PCDHGA3: variants seen among roughly 807,000 people sequenced by gnomAD.
The protein encoded by PCDHGA3 is protocadherin gamma subfamily A, 3, also known as protocadherin gamma-A3.
A neutral mutation model predicts 58.5 loss-of-function variants in PCDHGA3; 40 were observed. The observed-to-expected ratio is 0.68, with a 90% CI of 0.53 to 0.89. The LOEUF is 0.89. Ranked by LOEUF, PCDHGA3 falls within the 40% of genes least tolerant of loss-of-function variation. The pLI, the probability that PCDHGA3 is intolerant of heterozygous loss-of-function variation, is 0.00. For synonymous variants in PCDHGA3, 530 were observed against 525.7 expected (o/e 1.01, Z -0.11); for missense variants, 1,223 against 1,195.9 (o/e 1.02, Z -0.33).
At chr5:141,410,362 C>A (rs1270552318) in intron 1 of PCDHGA3, 13 of 1,613,954 alleles carry the variant, frequency 8.1e-6, no homozygotes, top group Non-Finnish European at 1.0e-5. Context: ...GCTCTCTCAG[C>A]CCTGCTACTT....
At chr5:141,400,441 G>T (rs757449650) in intron 1 of PCDHGA3, 29 of 1,613,966 alleles carry the variant, frequency 1.8e-5, no homozygotes, top group Non-Finnish European at 2.1e-5. Flanking sequence ...ATTGAGTTCA[G>T]GACAAGACAT....
intron 1 of PCDHGA3, among the ~76,000 whole-genome samples, chr5:141,396,910 A>G (rs1335319555): frequency 1.3e-5 from 2 of 152,208 alleles, no homozygotes; most frequent in Non-Finnish European, 2.9e-5. Flanking sequence ...GCACTTTGCA[A>G]TTTTAAAAAC....
intron 1 of PCDHGA3, chr5:141,384,235 A>C (rs1779874846): frequency 1.2e-6 from 2 of 1,613,774 alleles, no homozygotes; most frequent in Admixed American, 1.7e-5. Context: ...GGCAGACACC[A>C]ACGATAACCC....
intron 3 of PCDHGA3, chr5:141,507,424 G>C (rs577364087): frequency 6.6e-6 from 1 of 152,202 alleles, no homozygotes; most frequent in African/African-American, 2.4e-5. Context: ...GGTTAAGTGG[G>C]GCCAGGCCTA....
intron 1 of PCDHGA3, chr5:141,371,144 T>C: frequency 6.2e-7 from 1 of 1,614,014 alleles, no homozygotes; most frequent in Non-Finnish European, 8.5e-7. Flanking sequence ...ACAGGGTCAA[T>C]GTTGCAGAGA....
At chr5:141,418,031 G>A (rs760396058) in intron 1 of PCDHGA3, 1 of 1,614,022 alleles carries the variant, frequency 6.2e-7, no homozygotes, top group Non-Finnish European at 8.5e-7. Context: ...AGGGCTTAGT[G>A]TCCTGGATGT....
At position 141,477,855 on chromosome 5, in the gene PCDHGA3, T is replaced by C; in HGVS notation, c.2425-16952T>C. The C allele has an allele frequency of 1.2e-6, 2 of 1,613,698 alleles. No individual in the cohort carries two copies. The highest frequency in any genetic ancestry group is 1.7e-6 in the Non-Finnish European group (2 of 1,179,882). On this transcript the variant is annotated intron_variant, in intron 1 of 3. Coordinates refer to ENST00000253812, the MANE Select transcript of PCDHGA3 (RefSeq NM_018916.4). The surrounding 1 kb of genome is among the most constrained non-coding windows in gnomAD (Gnocchi z 4.9). ...CCAGGTGGGAGCTCGGTGGAGATGC[T>C]GCCTCGAGGTACCTCAGCTGGCCAC...
chr5:141,485,714 G>C lies in PCDHGA3; in HGVS notation c.2425-9093G>C, dbSNP rs896709540. 6.2e-7 allele frequency: 1 copy of C among 1,614,064 alleles called. No homozygotes were observed. Among genetic ancestry groups the C allele is most frequent in the Non-Finnish European group, 8.5e-7 (1 of 1,180,050 alleles). On this transcript the variant is annotated intron_variant, in intron 1 of 3. Coordinates refer to ENST00000253812, the MANE Select transcript of PCDHGA3 (RefSeq NM_018916.4). The surrounding 1 kb of genome is among the most constrained non-coding windows in gnomAD (Gnocchi z 5.7). The stretch of plus-strand genomic sequence containing the variant: ...GAGCTCCAATGAACACTTTGCACTG[G>C]ATGTGAAGAAGCGCAGCGACGGCAG...
At chr5:141,384,360 C>A in intron 1 of PCDHGA3, 1 of 1,613,902 alleles carries the variant, frequency 6.2e-7, no homozygotes, top group Non-Finnish European at 8.5e-7. Context: ...ATGCCCAGAT[C>A]ACTTATTCCT....
Position 141,408,181 on chromosome 5 carries a change from C to G in PCDHGA3, c.2424+61724C>G, listed in dbSNP as rs1304952667. ...TTTCTCCAACTGGAAAAGCGGGGAC[C>G]CAGCGAGAACCCGAGCGAACGATGG... On this transcript the variant is annotated intron_variant, in intron 1 of 3. Coordinates refer to ENST00000253812, the MANE Select transcript of PCDHGA3 (RefSeq NM_018916.4). The G allele has an allele frequency of 1.6e-5, 24 of 1,536,932 alleles. No individual in the cohort carries two copies. In the East Asian group the frequency reaches 5.6e-4, roughly 36 times the overall value.
At chr5:141,427,808 G>C (rs756554301) in intron 1 of PCDHGA3, 1 of 1,522,948 alleles carries the variant, frequency 6.6e-7, no homozygotes, top group Non-Finnish European at 9.0e-7. Context: ...TGAGCGCACA[G>C]AGCGGGGTGG....
At position 141,438,631 on chromosome 5, in the gene PCDHGA3, T is replaced by C. The variant is rs1227796079; in HGVS notation, c.2425-56176T>C. 6.5e-4 allele frequency among the ~76,000 whole-genome samples: 28 copies of C among 43,202 alleles called. 1 individual carries two copies. Among genetic ancestry groups the C allele is most frequent in the Non-Finnish European group, 8.8e-4 (23 of 26,272 alleles). 28.3% of individuals were successfully genotyped at this position (43,202 alleles called of 152,430 possible). On this transcript the variant is annotated intron_variant, in intron 1 of 3. Transcript: ENST00000253812. ...ATATATATATATATATATATATATATATATACACACACACACACACATATA... is the reference window on the plus strand; with the variant it reads ...ATATATATATATATATATATATATACATATACACACACACACACACATATA...
chr5:141,404,490 T>G lies in PCDHGA3; in HGVS notation c.2424+58033T>G, dbSNP rs748668164. On this transcript the variant is annotated intron_variant, in intron 1 of 3. Transcript: ENST00000253812. Reference sequence around the variant, plus strand: ...GTCTCTATTAACTCAGACACTGGTGTGCTGTATGCTCTGTGCTCCTTTGAC... The same window carrying G: ...GTCTCTATTAACTCAGACACTGGTGGGCTGTATGCTCTGTGCTCCTTTGAC... 10 of 1,613,632 alleles carry G rather than the reference T, an allele frequency of 6.2e-6. No homozygotes were observed. The Admixed American group carries it at 1.2e-4, about 19-fold the overall frequency.
intron 1 of PCDHGA3, chr5:141,478,484 C>T (rs376021397): frequency 6.2e-7 from 1 of 1,613,458 alleles, no homozygotes; most frequent in South Asian, 1.1e-5. Flanking sequence ...GAACACGCTG[C>T]GGAGCTGTGA....
intron 1 of PCDHGA3, among the ~76,000 whole-genome samples, chr5:141,443,122 A>C (rs1239492679): frequency 6.6e-6 from 1 of 152,138 alleles, no homozygotes; most frequent in East Asian, 1.9e-4. Flanking sequence ...TTCAAACCAG[A>C]TTAAGAACAC....
chr5:141,439,065 C>T (rs571768018), intron 1 of PCDHGA3, among the ~76,000 whole-genome samples: 13 of 151,628 alleles, frequency 8.6e-5, no homozygotes, highest in East Asian at 7.9e-4. Flanking sequence ...GTGTGGCAGG[C>T]GCCTGTAATC....
At chr5:141,374,220 G>A (rs775122429) in intron 1 of PCDHGA3, 1 of 1,613,984 alleles carries the variant, frequency 6.2e-7, no homozygotes, top group Non-Finnish European at 8.5e-7. Context: ...TCCTTCGTAG[G>A]CAACATCGTC....
chr5:141,463,446 T>TC, intron 1 of PCDHGA3, among the ~76,000 whole-genome samples: 1 of 125,012 alleles, frequency 8.0e-6, no homozygotes, highest in Non-Finnish European at 1.7e-5. Flanking sequence ...TCCTTTTTTT[T>TC]TTTTTTTTTT....
In PCDHGA3 at chr5:141,431,643, A is replaced by G. The variant is rs528599572; in HGVS notation, c.2425-63164A>G. Reference sequence around the variant, plus strand: ...AAGGCGGCCCAAGTTTTCAAACTAGATTGTAATTCAGGGACAATATCAACA... The same window carrying G: ...AAGGCGGCCCAAGTTTTCAAACTAGGTTGTAATTCAGGGACAATATCAACA... On this transcript the variant is annotated intron_variant, in intron 1 of 3. Coordinates refer to ENST00000253812, the MANE Select transcript of PCDHGA3 (RefSeq NM_018916.4). The surrounding 1 kb of genome is among the most constrained non-coding windows in gnomAD (Gnocchi z 4.8). 5.0e-5 allele frequency: 81 copies of G among 1,614,240 alleles called. No individual in the cohort carries two copies. In the South Asian group the frequency reaches 7.4e-4, roughly 15 times the overall value.
Sources: allele counts gnomAD v4.1 joint callset (sites outside exome capture counted in the v4.1 genomes callset), GRCh38; gene constraint gnomAD v4.1.1; non-coding constraint Gnocchi (gnomAD v3.1); transcripts MANE v1.5; gene names NCBI Gene and HGNC (gene_info 2026-07-23, HGNC 2026-07-21).